Variants in DNM3 observed in about 807,000 individuals in gnomAD.
DNM3 encodes dynamin-3.
DNM3 carries 47 observed loss-of-function variants against 101.6 expected under a neutral mutation model. The ratio of observed to expected loss-of-function variants is 0.46; its 90% CI spans 0.37 to 0.59. The LOEUF (loss-of-function observed/expected upper bound fraction) is 0.59, where lower values mean the gene tolerates loss of function less well. DNM3 is among the 20% of genes least tolerant of loss of function. The probability of loss-of-function intolerance (pLI) is 0.00; values close to 1 mark genes in which losing one functional copy is unlikely to be tolerated. For synonymous variants in DNM3, 385 were observed against 387.9 expected (o/e 0.99, Z 0.09); for missense variants, 849 against 1,085.7 (o/e 0.78, Z 3.06).
intron 13 of DNM3, among the ~76,000 whole-genome samples, chr1:172,096,786 G>A (rs192475023): frequency 7.9e-4 from 121 of 152,288 alleles, no homozygotes; most frequent in Admixed American, 3.5e-3. Context: ...GAGACTCATG[G>A]AAGGATTTCC....
intron 2 of DNM3, among the ~76,000 whole-genome samples, chr1:171,960,866 G>T (rs2043170616): frequency 6.6e-6 from 1 of 152,166 alleles, no homozygotes; most frequent in Non-Finnish European, 1.5e-5. Context: ...AGAGCAGGAA[G>T]TAAGGAAGTG....
chr1:172,200,034 T>C (rs960847354), intron 14 of DNM3, among the ~76,000 whole-genome samples: 1 of 152,068 alleles, frequency 6.6e-6, no homozygotes, highest in African/African-American at 2.4e-5. Context: ...GTTTTTGTTT[T>C]AGCTGGTAGT....
At chr1:171,919,868 G>A (rs908431989) in intron 1 of DNM3, among the ~76,000 whole-genome samples, 4 of 151,904 alleles carry the variant, frequency 2.6e-5, no homozygotes, top group African/African-American at 9.7e-5. Flanking sequence ...ATTAGGTTCC[G>A]AACTCCTGGT....
intron 17 of DNM3, among the ~76,000 whole-genome samples, chr1:172,363,677 G>A (rs934494164): frequency 7.9e-5 from 12 of 151,748 alleles, no homozygotes; most frequent in Admixed American, 7.9e-4. Context: ...CACTGCTTGA[G>A]CACATCCTTT....
chr1:172,019,711 T>G (rs2047702491), intron 4 of DNM3, among the ~76,000 whole-genome samples: 1 of 152,052 alleles, frequency 6.6e-6, no homozygotes, highest in Non-Finnish European at 1.5e-5. Context: ...TGAAATATGC[T>G]CAAGCTTGGT....
At position 172,012,142 on chromosome 1, in the gene DNM3, T is replaced by C. The variant is rs191250957; in HGVS notation, c.590-20260T>C. ...ACAATAAGTAGACTCAAACATGTAA[T>C]GGTGCAAACAATAGTCCTAGGTGAA... On this transcript the variant is annotated intron_variant, in intron 4 of 20. Transcript: ENST00000627582. Among the ~76,000 whole-genome samples the C allele has an allele frequency of 2.6e-3, 401 of 152,166 alleles. 9 individuals are homozygous for C. Among genetic ancestry groups the C allele is most frequent in the Non-Finnish European group, 6.3e-4 (43 of 67,948 alleles).
intron 1 of DNM3, chr1:171,864,601 T>G (rs905125207): frequency 6.6e-6 from 1 of 152,236 alleles, no homozygotes; most frequent in Non-Finnish European, 1.5e-5. Context: ...GGCTTTCCTA[T>G]TAGGCAGGAA....
At chr1:172,406,366 A>G (rs2070884424) in intron 20 of DNM3, among the ~76,000 whole-genome samples, 1 of 152,046 alleles carries the variant, frequency 6.6e-6, no homozygotes, top group African/African-American at 2.4e-5. Context: ...CTTCCTATCA[A>G]AGAAGAAAAT....
chr1:172,039,411 T>G (rs1190897317), intron 7 of DNM3, among the ~76,000 whole-genome samples: 1 of 152,128 alleles, frequency 6.6e-6, no homozygotes. Flanking sequence ...ATAATATTAA[T>G]TGCTTCATCC....
At chr1:172,300,945 A>C (rs1398587058) in intron 15 of DNM3, among the ~76,000 whole-genome samples, 1 of 152,222 alleles carries the variant, frequency 6.6e-6, no homozygotes, top group Non-Finnish European at 1.5e-5. Flanking sequence ...TCACCTGTTC[A>C]GTTTTTCACA....
chr1:171,887,207 A>G (rs1438446904), intron 1 of DNM3, among the ~76,000 whole-genome samples: 1 of 152,178 alleles, frequency 6.6e-6, no homozygotes, highest in East Asian at 1.9e-4. Context: ...ATAGAAATAG[A>G]GGAATTTTAG....
At chr1:172,159,335 A>G (rs536228892) in intron 14 of DNM3, among the ~76,000 whole-genome samples, 227 of 152,104 alleles carry the variant, frequency 1.5e-3, no homozygotes, top group African/African-American at 5.1e-3. Context: ...TTACTTGAAA[A>G]TAAGTTTGTG....
intron 16 of DNM3, among the ~76,000 whole-genome samples, chr1:172,317,306 C>A (rs1303065490): frequency 6.6e-6 from 1 of 151,436 alleles, no homozygotes; most frequent in Non-Finnish European, 1.5e-5. Context: ...AAAATTGACA[C>A]CCTAACATCA....
intron 10 of DNM3, among the ~76,000 whole-genome samples, chr1:172,052,432 C>T (rs998931778): frequency 6.6e-6 from 1 of 152,180 alleles, no homozygotes; most frequent in African/African-American, 2.4e-5. Flanking sequence ...AAACACTCAC[C>T]TGCTGCCCTA....
intron 4 of DNM3, among the ~76,000 whole-genome samples, chr1:172,005,169 T>G (rs904845925): frequency 6.6e-6 from 1 of 152,054 alleles, no homozygotes; most frequent in African/African-American, 2.4e-5. Flanking sequence ...TGTCTCAGTT[T>G]CCTCCTCTGT....
chr1:172,411,484 G>A lies in DNM3; in HGVS notation c.*3643G>A. The A allele has an allele frequency of 1.0e-6, 1 of 982,880 alleles. No homozygotes were observed. The highest frequency in any genetic ancestry group is 4.7e-5 in the South Asian group (1 of 21,220). The allele number at this position is 982,880 out of a possible 1,614,324, so 60.9% of individuals were successfully genotyped here. A position where few individuals can be genotyped will look rare whatever the true frequency, so the allele number is the denominator to read the frequency against. Reference sequence around the variant, plus strand: ...TAAATTATTTTTGGATTGCTGAGCTGAATCTTAAAAAGCCAAGTTGATATA... The same window carrying A: ...TAAATTATTTTTGGATTGCTGAGCTAAATCTTAAAAAGCCAAGTTGATATA... On this transcript the variant is annotated 3_prime_UTR_variant, in exon 21 of 21. Transcript: ENST00000627582.
chr1:172,231,213 G>T (rs1327289076), intron 14 of DNM3, among the ~76,000 whole-genome samples: 1 of 140,122 alleles, frequency 7.1e-6, no homozygotes, highest in Non-Finnish European at 1.5e-5. Flanking sequence ...GGCACCCCCA[G>T]TAGGGGCAGA....
At chr1:172,178,832 G>C (rs780785414) in intron 14 of DNM3, among the ~76,000 whole-genome samples, 5 of 151,942 alleles carry the variant, frequency 3.3e-5, no homozygotes, top group South Asian at 2.1e-4. Context: ...ACAGAAGCTA[G>C]ATTGCAGGGG....
chr1:171,880,820 C>G (rs2036203265), intron 1 of DNM3, among the ~76,000 whole-genome samples: 1 of 151,932 alleles, frequency 6.6e-6, no homozygotes, highest in Non-Finnish European at 1.5e-5. Flanking sequence ...ATCATCTTAT[C>G]AGAAAATGAT....
Sources: gnomAD v4.1 joint callset for allele counts (sites outside exome capture counted in the v4.1 genomes callset) on GRCh38, gnomAD v4.1.1 for gene constraint, MANE v1.5 for transcripts, NCBI Gene and HGNC (gene_info 2026-07-23, HGNC 2026-07-21) for gene names.